The following TENM3 variants were observed in gnomAD, a reference collection of about 807,000 sequenced individuals.
TENM3 encodes the protein teneurin-3.
Under a neutral mutation model 255.1 loss-of-function variants are expected in TENM3, and 63 were observed. That is an observed-to-expected ratio of 0.25 (90% CI 0.20 to 0.30). TENM3 has a LOEUF of 0.30. Among genes scored for constraint, TENM3 ranks in the 10% least tolerant of loss-of-function variants. TENM3 has a pLI of 1.00. For missense variants in TENM3, 2,929 were observed against 3,461.1 expected, an observed-to-expected ratio of 0.85 and a Z score of 3.86; for synonymous variants, 1,306 against 1,322.3, an observed-to-expected ratio of 0.99 and a Z score of 0.27.
At chr4:182,573,280 C>T (rs984792357) in intron 3 of TENM3, among the ~76,000 whole-genome samples, 14 of 152,040 alleles carry the variant, frequency 9.2e-5, no homozygotes, top group African/African-American at 2.7e-4. Flanking sequence ...TGTGTATATA[C>T]GCTTATGAAC....
the TENM3 span, among the ~76,000 whole-genome samples, chr4:181,587,209 G>A: frequency 3.9e-4 from 59 of 152,180 alleles, no homozygotes; most frequent in African/African-American, 1.4e-3. Context: ...TAGAGCTGAG[G>A]AAAAACAGAC....
the TENM3 span, among the ~76,000 whole-genome samples, chr4:181,959,131 A>T: frequency 3.3e-5 from 5 of 152,122 alleles, no homozygotes; most frequent in African/African-American, 4.8e-5. Context: ...ATATCTTCAA[A>T]AAATTGTTGT....
At chr4:181,903,098 T>G in the TENM3 span, among the ~76,000 whole-genome samples, 1 of 152,138 alleles carries the variant, frequency 6.6e-6, no homozygotes, top group Non-Finnish European at 1.5e-5. Flanking sequence ...AAAGCCTTAA[T>G]TTACTCAGCA....
At chr4:182,099,664 T>C in the TENM3 span, among the ~76,000 whole-genome samples, 2 of 152,200 alleles carry the variant, frequency 1.3e-5, no homozygotes, top group African/African-American at 4.8e-5. Flanking sequence ...TACAAGGGCA[T>C]CCTTGAGTCA....
chr4:181,720,314 T>C, the TENM3 span, among the ~76,000 whole-genome samples: 2 of 152,244 alleles, frequency 1.3e-5, no homozygotes, highest in East Asian at 3.9e-4. Flanking sequence ...TTCCCATTAA[T>C]ATTCTAAGCC....
At chr4:181,557,272 A>G in the TENM3 span, among the ~76,000 whole-genome samples, 4 of 152,170 alleles carry the variant, frequency 2.6e-5, no homozygotes, top group Non-Finnish European at 5.9e-5. Context: ...ATGGGTCACA[A>G]TGTCAGTATT....
intron 22 of TENM3, among the ~76,000 whole-genome samples, chr4:182,757,610 G>A (rs1372647550): frequency 6.6e-6 from 1 of 152,172 alleles, no homozygotes; most frequent in Non-Finnish European, 1.5e-5. Flanking sequence ...TGGAGCTGAT[G>A]TGGGATAGTA....
chr4:182,144,912 G>C (rs1181311187), intron 1 of TENM3: 2 of 150,616 alleles, frequency 1.3e-5, no homozygotes, highest in African/African-American at 4.9e-5. Flanking sequence ...TTCTCTCCAC[G>C]GTCCGGCCTC....
chr4:181,487,890 A>G, the TENM3 span, among the ~76,000 whole-genome samples: 2 of 152,144 alleles, frequency 1.3e-5, no homozygotes, highest in South Asian at 4.1e-4. Flanking sequence ...TCTGGGCAAC[A>G]ATATAGATGT....
At chr4:181,494,065 T>C in the TENM3 span, among the ~76,000 whole-genome samples, 2 of 152,132 alleles carry the variant, frequency 1.3e-5, no homozygotes, top group Non-Finnish European at 2.9e-5. Context: ...TTATCTCTTT[T>C]ATAAGTGAGG....
At chr4:182,547,190 C>T (rs552149536) in intron 3 of TENM3, among the ~76,000 whole-genome samples, 13 of 152,016 alleles carry the variant, frequency 8.6e-5, no homozygotes, top group Non-Finnish European at 1.8e-4. Flanking sequence ...TTTACAAACA[C>T]GTCTCCCAAC....
chr4:182,318,744 G>C (rs549796948), intron 1 of TENM3, among the ~76,000 whole-genome samples: 35 of 152,256 alleles, frequency 2.3e-4, no homozygotes, highest in African/African-American at 7.5e-4. Context: ...TGTGTTTGCT[G>C]TAGCCAGTTC....
the TENM3 span, among the ~76,000 whole-genome samples, chr4:181,546,575 G>T: frequency 7.1e-6 from 1 of 141,206 alleles, no homozygotes; most frequent in Non-Finnish European, 1.5e-5. Context: ...TTAGCCGGGC[G>T]TGGTGGCGGA....
chr4:181,979,071 C>A, the TENM3 span, among the ~76,000 whole-genome samples: 1 of 91,804 alleles, frequency 1.1e-5, no homozygotes, highest in Non-Finnish European at 2.1e-5. Context: ...GTTGAAGAAG[C>A]AAAATATATG....
At chr4:181,812,767 G>A in the TENM3 span, among the ~76,000 whole-genome samples, 1 of 152,128 alleles carries the variant, frequency 6.6e-6, no homozygotes, top group African/African-American at 2.4e-5. Flanking sequence ...GAATTTCAGG[G>A]ATCCAGAGGA....
chr4:181,783,635 T>C, the TENM3 span, among the ~76,000 whole-genome samples: 1 of 152,200 alleles, frequency 6.6e-6, no homozygotes, highest in Non-Finnish European at 1.5e-5. Flanking sequence ...GAAAGAAATA[T>C]TGAATTTTCT....
At chr4:182,271,454 C>A (rs560643944) in intron 1 of TENM3, among the ~76,000 whole-genome samples, 1 of 152,066 alleles carries the variant, frequency 6.6e-6, no homozygotes, top group Non-Finnish European at 1.5e-5. Flanking sequence ...TAGGTGGAGG[C>A]GCAGGACATC....
At chr4:182,256,505 A>G (rs1758409171) in intron 1 of TENM3, among the ~76,000 whole-genome samples, 1 of 152,224 alleles carries the variant, frequency 6.6e-6, no homozygotes, top group South Asian at 2.1e-4. Context: ...TAAACTGAAA[A>G]TGCATTCATC....
chr4:182,332,227 C>T (rs1021274620), intron 2 of TENM3, among the ~76,000 whole-genome samples: 1 of 152,072 alleles, frequency 6.6e-6, no homozygotes, highest in Non-Finnish European at 1.5e-5. Context: ...AAGAAAAGCA[C>T]TTTTGCCCCT....
Sources: allele counts gnomAD v4.1 joint callset (sites outside exome capture counted in the v4.1 genomes callset), GRCh38; gene constraint gnomAD v4.1.1; transcripts MANE v1.5; gene names NCBI Gene and HGNC (gene_info 2026-07-23, HGNC 2026-07-21).